CEMIP: variants seen among roughly 807,000 people sequenced by gnomAD.
CEMIP encodes cell migration inducing hyaluronidase 1, also known as cell migration-inducing and hyaluronan-binding protein.
Under a neutral mutation model 156.9 loss-of-function variants are expected in CEMIP, and 105 were observed. That is an observed-to-expected ratio of 0.67 (90% CI 0.57 to 0.79). The LOEUF (loss-of-function observed/expected upper bound fraction) is 0.79. Ranked by LOEUF, CEMIP falls within the 30% of genes least tolerant of loss-of-function variation. The pLI is 0.00. For synonymous variants in CEMIP, 676 were observed against 668.4 expected (o/e 1.01, Z -0.17); for missense variants, 1,457 against 1,769.4 (o/e 0.82, Z 3.17).
chr15:80,937,795 G>T lies in CEMIP; in HGVS notation c.3223G>T (p.Gly1075Cys). ...ACCTGACTCTACTTCCAATCCTAGG[G>T]GCGACTGGATCCGAGTGGGGCTCTG... ...LAIWLINFNK[G>C]DWIRVGLCYP... The change falls in exon 25 of 30, where the codon GGC (glycine) becomes TGC (cysteine). Residue 1075 changes from glycine (G) to cysteine (C), a missense_variant and splice_region_variant. By Grantham distance (159) the Gly-to-Cys change is radical. This residue lies in a region of CEMIP where 798 missense variants were observed against 980.1 expected (regional missense o/e 0.81). Transcript: ENST00000394685. 1 of 1,614,128 alleles carries T rather than the reference G, an allele frequency of 6.2e-7. No homozygotes were observed.
In CEMIP at chr15:80,884,210, G is replaced by A. The variant is rs911556696; in HGVS notation, c.653G>A (p.Arg218His). The change falls in exon 7 of 30, where the codon CGT becomes CAT. Residue 218 changes from arginine to histidine, a missense_variant. Arg to His is a conservative substitution (Grantham distance 29, BLOSUM62 0). This residue lies in a region of CEMIP where 309 missense variants were observed against 340.8 expected (regional missense o/e 0.91). Transcript: ENST00000394685. ...TATAGATCCAAGAAAGAGAGTGAAC[G>A]TCTGGTCCAGTATTTGAACGCGGTG... The part of the protein sequence containing the change: ...DTYRSKKESE[R>H]LVQYLNAVPD... The A allele has an allele frequency of 4.5e-5, 72 of 1,614,076 alleles. No individual in the cohort carries two copies. In the East Asian group the frequency reaches 1.2e-3, roughly 26 times the overall value.
intron 1 of CEMIP, among the ~76,000 whole-genome samples, chr15:80,849,687 G>A (rs1897666348): frequency 6.6e-6 from 1 of 152,174 alleles, no homozygotes; most frequent in South Asian, 2.1e-4. Flanking sequence ...GAGAGAGAGA[G>A]AGTAAGCAAG....
Position 80,932,100 on chromosome 15 carries a change from T to A in CEMIP, c.2793+61T>A. On this transcript the variant is annotated intron_variant, in intron 22 of 29. Transcript: ENST00000394685. This position sits in a 1 kb window ranked among gnomAD's most constrained non-coding sequence, Gnocchi z 4.5. ...CAGACTTTGGATGGTGATTCACAAG[T>A]CCCCTGGGTCCCAGAGTTTGAGCTA... 6.3e-7 allele frequency: 1 copy of A among 1,580,492 alleles called. No homozygotes were observed. The highest frequency in any genetic ancestry group is 2.2e-5 in the East Asian group (1 of 44,760).
intron 1 of CEMIP, among the ~76,000 whole-genome samples, chr15:80,832,633 A>G (rs1897182004): frequency 6.6e-6 from 1 of 152,170 alleles, no homozygotes; most frequent in South Asian, 2.1e-4. Flanking sequence ...CCAGGGTATC[A>G]AAGTGGCAGC....
chr15:80,903,837 A>G (rs117812531), intron 12 of CEMIP, among the ~76,000 whole-genome samples: 29 of 152,330 alleles, frequency 1.9e-4, no homozygotes, highest in East Asian at 1.2e-3. Flanking sequence ...AGGCCCCGTA[A>G]CTGAAGACCA....
chr15:80,813,402 T>C (rs2141632017), intron 1 of CEMIP, among the ~76,000 whole-genome samples: 1 of 137,940 alleles, frequency 7.2e-6, no homozygotes, highest in East Asian at 2.1e-4. Flanking sequence ...CAGGTTGGAG[T>C]GCAGTGGCAT....
At chr15:80,820,772 G>A (rs1278202137) in intron 1 of CEMIP, among the ~76,000 whole-genome samples, 2 of 152,168 alleles carry the variant, frequency 1.3e-5, no homozygotes, top group African/African-American at 2.4e-5. Context: ...ACCTATTATA[G>A]AAAAGAAATT....
intron 3 of CEMIP, among the ~76,000 whole-genome samples, chr15:80,875,563 C>T (rs1238488365): frequency 6.6e-6 from 1 of 152,170 alleles, no homozygotes; most frequent in African/African-American, 2.4e-5. Flanking sequence ...TGGCACCTCT[C>T]TTGCTGTTTG....
intron 1 of CEMIP, among the ~76,000 whole-genome samples, chr15:80,867,133 A>G (rs1023972463): frequency 1.3e-5 from 2 of 152,200 alleles, no homozygotes; most frequent in Admixed American, 1.3e-4. Context: ...TGCTTAAAGC[A>G]TAGTCCACCA....
chr15:80,928,628 C>T (rs1038084505), intron 19 of CEMIP, among the ~76,000 whole-genome samples: 2 of 152,172 alleles, frequency 1.3e-5, no homozygotes, highest in African/African-American at 2.4e-5. Flanking sequence ...ATATGGACCC[C>T]AGTCTGCATG....
intron 1 of CEMIP, among the ~76,000 whole-genome samples, chr15:80,820,443 G>C (rs1277771622): frequency 6.6e-6 from 1 of 152,148 alleles, no homozygotes; most frequent in Non-Finnish European, 1.5e-5. Flanking sequence ...TAGGAACCTG[G>C]TTTTTGATGG....
chr15:80,870,558 C>T (rs956294860), intron 1 of CEMIP, among the ~76,000 whole-genome samples: 13 of 152,272 alleles, frequency 8.5e-5, no homozygotes, highest in African/African-American at 2.2e-4. Flanking sequence ...GACTCCGGTG[C>T]GGCTGGGCCT....
At chr15:80,921,278 C>A (rs1232877298) in intron 16 of CEMIP, among the ~76,000 whole-genome samples, 177 bp downstream of exon 16, 1 of 151,910 alleles carries the variant, frequency 6.6e-6, no homozygotes, top group African/African-American at 2.4e-5. Context: ...GGGCAGGGGG[C>A]GTTCTTTGGA....
At chr15:80,791,543 T>A (rs748077386) in intron 1 of CEMIP, among the ~76,000 whole-genome samples, 4 of 152,080 alleles carry the variant, frequency 2.6e-5, no homozygotes, top group Admixed American at 1.3e-4. Context: ...GCTGCCAACA[T>A]GAGGTTTCTT....
At chr15:80,852,161 T>C (rs548137590) in intron 1 of CEMIP, among the ~76,000 whole-genome samples, 2 of 152,138 alleles carry the variant, frequency 1.3e-5, no homozygotes, top group African/African-American at 4.8e-5. Flanking sequence ...AACAGCAGAG[T>C]AGTGAGAAAA....
chr15:80,831,437 T>C (rs1488181430), intron 1 of CEMIP, among the ~76,000 whole-genome samples: 1 of 152,092 alleles, frequency 6.6e-6, no homozygotes, highest in Non-Finnish European at 1.5e-5. Flanking sequence ...CTGATTCCAG[T>C]TTCACAGTGG....
Position 80,951,651 on chromosome 15 carries a change from T to G in CEMIP, c.*2727T>G, listed in dbSNP as rs1251031735. 3 of 152,640 alleles carry G rather than the reference T, an allele frequency of 2.0e-5. No homozygotes were observed. Among genetic ancestry groups the G allele is most frequent in the African/African-American group, 7.2e-5 (3 of 41,462 alleles). The allele number at this position is 152,640 out of a possible 1,614,324, so 9.5% of individuals were successfully genotyped here. On this transcript the variant is annotated 3_prime_UTR_variant, in exon 30 of 30. Transcript: ENST00000394685. ...CTGTCAGAGAAATAAAGAATTGTCT[T>G]AAATGTCATGATTGGAGATGTCCTT...
chr15:80,827,114 T>A (rs1172771994), intron 1 of CEMIP, among the ~76,000 whole-genome samples: 1 of 152,196 alleles, frequency 6.6e-6, no homozygotes, highest in Admixed American at 6.5e-5. Context: ...ATCACTACCA[T>A]GCACAGCAGT....
intron 1 of CEMIP, among the ~76,000 whole-genome samples, chr15:80,785,010 G>A (rs186900389): frequency 4.7e-4 from 71 of 152,190 alleles, no homozygotes; most frequent in Non-Finnish European, 7.1e-4. Context: ...AATTATTGTC[G>A]CTCCTAAGCC....
Sources: allele counts gnomAD v4.1 joint callset (sites outside exome capture counted in the v4.1 genomes callset), GRCh38; gene constraint gnomAD v4.1.1; regional missense constraint gnomAD v4.1.1; non-coding constraint Gnocchi (gnomAD v3.1); transcripts MANE v1.5; gene names NCBI Gene and HGNC (gene_info 2026-07-23, HGNC 2026-07-21).